TXNRD3: variants seen among roughly 807,000 people sequenced by gnomAD.
TXNRD3 encodes TXNRD3 neighbor gene protein.
Under a neutral mutation model 78.2 loss-of-function variants are expected in TXNRD3, and 68 were observed. The observed-to-expected ratio is 0.87, with a 90% CI of 0.72 to 1.06. The LOEUF (loss-of-function observed/expected upper bound fraction) is 1.06. Among genes scored for constraint, TXNRD3 ranks in the 50% least tolerant of loss-of-function variants. The pLI, the probability that TXNRD3 is intolerant of heterozygous loss-of-function variation, is 0.00. For missense variants in TXNRD3, 751 were observed against 809.5 expected (o/e 0.93, Z 0.88); for synonymous variants, 296 against 300.1 (o/e 0.99, Z 0.14).
chr3:126,629,134 A>G (rs756576316), intron 10 of TXNRD3, among the ~76,000 whole-genome samples: 4 of 152,188 alleles, frequency 2.6e-5, no homozygotes, highest in Admixed American at 6.5e-5. Context: ...AAGTAAGCAC[A>G]CATCTGGATA....
At chr3:126,639,939 C>T (rs1041218237) in intron 6 of TXNRD3, among the ~76,000 whole-genome samples, 15 of 152,102 alleles carry the variant, frequency 9.9e-5, no homozygotes, top group Non-Finnish European at 1.8e-4. Context: ...CAAAATTACA[C>T]TGCCAAGTCA....
At chr3:126,608,068 T>C (rs1938095498) in intron 15 of TXNRD3, 95 bp from the exon 16 acceptor site, 2 of 994,172 alleles carry the variant, frequency 2.0e-6, no homozygotes, top group African/African-American at 3.3e-5. Flanking sequence ...TTCTTTAAAA[T>C]ATACAAATCT....
chr3:126,630,819 C>T lies in TXNRD3; in HGVS notation c.1090G>A (p.Val364Ile). The T allele has an allele frequency of 1.3e-6, 2 of 1,535,690 alleles. No homozygotes were observed. The highest frequency in any genetic ancestry group is 1.7e-6 in the Non-Finnish European group (2 of 1,146,884). Reference sequence around the variant, plus strand: ...AAGCCACGGAGAAGGATTGAGCGTACCATAACTGTGACATCTAGGCCAAAG... The same window carrying T: ...AAGCCACGGAGAAGGATTGAGCGTATCATAACTGTGACATCTAGGCCAAAG... Residue 364 changes from valine (V) to isoleucine (I), a missense_variant, in exon 9 of 16, where the codon GTA (valine) becomes ATA (isoleucine). Transcript: ENST00000524230.
chr3:126,654,959 G>T lies in TXNRD3; in HGVS notation c.32C>A (p.Pro11Gln). The T allele has an allele frequency of 7.7e-7, 1 of 1,296,184 alleles. No individual in the cohort carries two copies. The highest frequency in any genetic ancestry group is 2.4e-5 in the South Asian group (1 of 40,980). The allele number at this position is 1,296,184 out of a possible 1,614,324, so 80.3% of individuals were successfully genotyped here. The change falls in exon 1 of 16, where the codon CCG becomes CAG. Residue 11 changes from proline to glutamine, a missense_variant. Physicochemically the swap from Pro to Gln is moderately conservative, Grantham distance 76 (BLOSUM62 -1). Transcript: ENST00000524230. ...GTTGGGGGCATCGCCCGCCTTTCCCGGCCCGGGCGACTGCGGCGGCGACCG... is the reference window on the plus strand; with the variant it reads ...GTTGGGGGCATCGCCCGCCTTTCCCTGCCCGGGCGACTGCGGCGGCGACCG...
At chr3:126,623,866 A>AAAAAAAAAAAAAAC in intron 10 of TXNRD3, among the ~76,000 whole-genome samples, 1 of 151,464 alleles carries the variant, frequency 6.6e-6, no homozygotes, top group Non-Finnish European at 1.5e-5. Flanking sequence ...AAAAAAAAAA[A>AAAAAAAAAAAAAAC]AAAAGATTAA....
At chr3:126,626,955 G>A (rs543270800) in intron 10 of TXNRD3, among the ~76,000 whole-genome samples, 5 of 152,202 alleles carry the variant, frequency 3.3e-5, no homozygotes, top group Admixed American at 6.5e-5. Flanking sequence ...AGGCATGGTG[G>A]CATGTGCCTG....
chr3:126,618,257 T>C (rs1938360521), intron 12 of TXNRD3, among the ~76,000 whole-genome samples: 1 of 152,010 alleles, frequency 6.6e-6, no homozygotes, highest in East Asian at 1.9e-4. Flanking sequence ...AGAAGCCAAA[T>C]AGCGAAAGTA....
Position 126,644,008 on chromosome 3 carries a change from C to T in TXNRD3, c.565G>A (p.Val189Ile), listed in dbSNP as rs1233927381. 6.5e-7 allele frequency: 1 copy of T among 1,535,978 alleles called. No homozygotes were observed. Among genetic ancestry groups the T allele is most frequent in the Non-Finnish European group, 8.7e-7 (1 of 1,146,908 alleles). The change falls in exon 5 of 16, where the codon GTC (valine) becomes ATC (isoleucine). Residue 189 changes from valine to isoleucine, a missense_variant. Val to Ile is a conservative substitution (Grantham distance 29). Transcript: ENST00000524230. ...CAGGATGTGCCCTGAGGTGACGGGACAACAAAGTCTAGCACCATAACTTTC... is the reference window on the plus strand; with the variant it reads ...CAGGATGTGCCCTGAGGTGACGGGATAACAAAGTCTAGCACCATAACTTTC...
intron 1 of TXNRD3, among the ~76,000 whole-genome samples, chr3:126,647,673 T>C (rs1371222294): frequency 6.6e-6 from 1 of 151,856 alleles, no homozygotes; most frequent in East Asian, 1.9e-4. Flanking sequence ...CTACAAAAAA[T>C]AAAAAAACAA....
chr3:126,632,202 C>T (rs1207463541), intron 7 of TXNRD3, among the ~76,000 whole-genome samples: 3 of 151,912 alleles, frequency 2.0e-5, no homozygotes, highest in Non-Finnish European at 4.4e-5. Flanking sequence ...GAACAATGCG[C>T]ACAAAAGCAC....
chr3:126,636,232 T>C (rs373785069), intron 6 of TXNRD3, among the ~76,000 whole-genome samples: 45 of 152,208 alleles, frequency 3.0e-4, no homozygotes, highest in African/African-American at 1.0e-3. Context: ...GTTCTAATAT[T>C]TCTTGTTTAA....
At chr3:126,623,561 T>C (rs1045793877) in intron 10 of TXNRD3, among the ~76,000 whole-genome samples, 1 of 152,210 alleles carries the variant, frequency 6.6e-6, no homozygotes, top group Non-Finnish European at 1.5e-5. Context: ...TCCATCAATG[T>C]AATTCATCAT....
chr3:126,647,821 C>T (rs911257659), intron 1 of TXNRD3, among the ~76,000 whole-genome samples: 2 of 152,136 alleles, frequency 1.3e-5, no homozygotes, highest in Non-Finnish European at 2.9e-5. Context: ...GGTGACACAG[C>T]AAGAAGACCC....
chr3:126,631,019 G>GAA, intron 8 of TXNRD3, 82 bp from the exon 9 acceptor site: 1 of 1,303,356 alleles, frequency 7.7e-7, no homozygotes, highest in Non-Finnish European at 1.0e-6. Context: ...TAATGGTCTT[G>GAA]TGATGACTGA....
intron 7 of TXNRD3, among the ~76,000 whole-genome samples, chr3:126,633,605 A>T (rs940593918): frequency 6.6e-6 from 1 of 152,160 alleles, no homozygotes; most frequent in Non-Finnish European, 1.5e-5. Context: ...TAAAATTTTG[A>T]TCTTTTTAGT....
At position 126,607,986 on chromosome 3, in the gene TXNRD3, A is replaced by T; in HGVS notation, c.1864-13T>A. On this transcript the variant is annotated splice_polypyrimidine_tract_variant and intron_variant, in intron 15 of 15. Coordinates refer to ENST00000524230, the MANE Select transcript of TXNRD3 (RefSeq NM_052883.3). ...AAGTCGTGAACACCTGTTCAAGAGA[A>T]AGAAAACAAATACATATTTAGATGT... 1 of 1,482,408 alleles carries T rather than the reference A, an allele frequency of 6.7e-7. No individual in the cohort carries two copies. Among genetic ancestry groups the T allele is most frequent in the Non-Finnish European group, 9.0e-7 (1 of 1,109,636 alleles). 91.8% of individuals were successfully genotyped at this position (1,482,408 alleles called of 1,614,324 possible).
intron 7 of TXNRD3, among the ~76,000 whole-genome samples, chr3:126,633,017 A>T (rs1340274695): frequency 2.0e-5 from 3 of 152,234 alleles, no homozygotes; most frequent in African/African-American, 7.2e-5. Context: ...TCATGTAAAT[A>T]ATATAATTCA....
At chr3:126,609,292 A>G in intron 14 of TXNRD3, 1 of 232,112 alleles carries the variant, frequency 4.3e-6, no homozygotes, top group South Asian at 4.8e-5. Flanking sequence ...ATAAAAGGGC[A>G]ACGGAGGCCA....
At chr3:126,651,910 T>C (rs1178384739) in intron 1 of TXNRD3, among the ~76,000 whole-genome samples, 2 of 152,182 alleles carry the variant, frequency 1.3e-5, no homozygotes, top group Non-Finnish European at 2.9e-5. Flanking sequence ...TTATGATCTC[T>C]GAATAGAAAC....
Sources: gnomAD v4.1 joint callset for allele counts (sites outside exome capture counted in the v4.1 genomes callset) on GRCh38, gnomAD v4.1.1 for gene constraint, MANE v1.5 for transcripts, NCBI Gene and HGNC (gene_info 2026-07-23, HGNC 2026-07-21) for gene names.